The following PALD1 variants were observed in gnomAD, a reference collection of about 807,000 sequenced individuals.
PALD1 encodes paladin.
PALD1 carries 57 observed loss-of-function variants against 96.0 expected under a neutral mutation model. The ratio of observed to expected loss-of-function variants is 0.59; its 90% CI spans 0.48 to 0.74. PALD1 has a LOEUF of 0.74. Among genes scored for constraint, PALD1 ranks in the 30% least tolerant of loss-of-function variants. The pLI, the probability that PALD1 is intolerant of heterozygous loss-of-function variation, is 0.00. For synonymous variants in PALD1, 464 were observed against 473.6 expected (o/e 0.98, Z 0.26); for missense variants, 1,063 against 1,143.7 (o/e 0.93, Z 1.02).
intron 18 of PALD1, among the ~76,000 whole-genome samples, chr10:70,553,545 C>T (rs1365015660): frequency 6.6e-6 from 1 of 152,230 alleles, no homozygotes; most frequent in East Asian, 1.9e-4. Flanking sequence ...GAGAGGTGCC[C>T]ATGCTGGGCT....
chr10:70,527,222 A>G (rs1362934410), intron 2 of PALD1, among the ~76,000 whole-genome samples: 1 of 152,144 alleles, frequency 6.6e-6, no homozygotes, highest in Non-Finnish European at 1.5e-5. Flanking sequence ...CAGTTTCCTT[A>G]TCAACATAAG....
intron 1 of PALD1, among the ~76,000 whole-genome samples, chr10:70,514,116 C>G (rs556820893): frequency 6.6e-6 from 1 of 152,368 alleles, no homozygotes; most frequent in Middle Eastern, 3.4e-3. Flanking sequence ...GCCACAGTGC[C>G]TCTGCGGGCC....
At chr10:70,542,037 C>T (rs187009518) in intron 17 of PALD1, among the ~76,000 whole-genome samples, 45 of 152,316 alleles carry the variant, frequency 3.0e-4, no homozygotes, top group African/African-American at 1.1e-3. Context: ...TCCCGAGAGT[C>T]GTGGCAACGT....
At chr10:70,505,770 C>A (rs1846375181) in intron 1 of PALD1, among the ~76,000 whole-genome samples, 1 of 152,126 alleles carries the variant, frequency 6.6e-6, no homozygotes, top group South Asian at 2.1e-4. Flanking sequence ...TCTGTAGTCC[C>A]AGCATTTTGG....
intron 3 of PALD1, 118 bp from the exon 4 acceptor site, chr10:70,529,771 A>G (rs888368987): frequency 4.0e-5 from 31 of 784,572 alleles, no homozygotes; most frequent in Non-Finnish European, 5.5e-5. Context: ...GGGCAGGATC[A>G]TGTTCTTTTT....
At position 70,546,008 on chromosome 10, in the gene PALD1, G is replaced by A. The variant is rs564267017; in HGVS notation, c.2122-1298G>A. On this transcript the variant is annotated intron_variant, in intron 17 of 19. Transcript: ENST00000263563. ...TCCCAGCACTTTGGGAGACTTAGGC[G>A]GGTGGATCACCTGAGGCCAGGAGTT... is the stretch of plus-strand genomic sequence containing the variant. Among the ~76,000 whole-genome samples, 21 of 152,172 alleles carry A rather than the reference G, an allele frequency of 1.4e-4. No homozygotes were observed. The South Asian group carries it at 1.9e-3, about 14-fold the overall frequency.
At chr10:70,542,716 T>TG (rs1173071770) in intron 17 of PALD1, among the ~76,000 whole-genome samples, 1 of 152,234 alleles carries the variant, frequency 6.6e-6, no homozygotes, top group African/African-American at 2.4e-5. Context: ...TTGGCTGTCA[T>TG]GAGTAATGCT....
At chr10:70,558,856 CAG>C (rs1352688780) in intron 18 of PALD1, among the ~76,000 whole-genome samples, 1 of 152,092 alleles carries the variant, frequency 6.6e-6, no homozygotes, top group Admixed American at 6.6e-5. Flanking sequence ...TGCAAGGAGA[CAG>C]AGGCTGGCTG....
chr10:70,475,165 C>T (rs1045463495), upstream of PALD1, among the ~76,000 whole-genome samples: 7 of 152,188 alleles, frequency 4.6e-5, no homozygotes, highest in African/African-American at 7.2e-5. Flanking sequence ...TAACTTGTAG[C>T]ATAGGGGTCA....
At chr10:70,511,712 T>C (rs1213304218) in intron 1 of PALD1, among the ~76,000 whole-genome samples, 13 of 152,102 alleles carry the variant, frequency 8.5e-5, no homozygotes, top group Admixed American at 8.5e-4. Context: ...CAGATAAAAC[T>C]CACTCCCCAA....
chr10:70,467,542 CG>C, the PALD1 span, among the ~76,000 whole-genome samples: 7 of 152,216 alleles, frequency 4.6e-5, 1 homozygote, highest in South Asian at 1.5e-3. Flanking sequence ...CGCGGGGAAG[CG>C]GATGGCGTCT....
chr10:70,564,071 C>G (rs1047366462), intron 18 of PALD1, among the ~76,000 whole-genome samples: 1 of 152,154 alleles, frequency 6.6e-6, no homozygotes, highest in East Asian at 1.9e-4. Flanking sequence ...ACAATGAGCT[C>G]TCCTGCTGTC....
At chr10:70,516,752 C>T (rs1275732056) in intron 1 of PALD1, among the ~76,000 whole-genome samples, 2 of 151,638 alleles carry the variant, frequency 1.3e-5, no homozygotes, top group South Asian at 2.1e-4. Context: ...GCAGAGACAG[C>T]GTTTCTGTGT....
intron 17 of PALD1, among the ~76,000 whole-genome samples, chr10:70,543,535 C>T (rs987972472): frequency 6.6e-6 from 1 of 152,008 alleles, no homozygotes; most frequent in Non-Finnish European, 1.5e-5. Context: ...GTCTTTGATC[C>T]ATTTTGAGTT....
At chr10:70,563,069 AT>A in intron 18 of PALD1, among the ~76,000 whole-genome samples, 1 of 132,216 alleles carries the variant, frequency 7.6e-6, no homozygotes, top group Non-Finnish European at 1.7e-5. Flanking sequence ...GATTTTGACA[AT>A]CCCGATGCCC....
chr10:70,550,398 C>T (rs1420016097), intron 18 of PALD1, among the ~76,000 whole-genome samples: 1 of 152,172 alleles, frequency 6.6e-6, no homozygotes, highest in Non-Finnish European at 1.5e-5. Flanking sequence ...GCTTCTGATT[C>T]TGTAGGTCTG....
the PALD1 span, among the ~76,000 whole-genome samples, chr10:70,467,528 A>G: frequency 6.6e-6 from 1 of 152,166 alleles, no homozygotes; most frequent in African/African-American, 2.4e-5. Flanking sequence ...CACCCCGCAC[A>G]GTTCGCGGGG....
chr10:70,561,697 C>T (rs1288800979), intron 18 of PALD1, among the ~76,000 whole-genome samples: 1 of 152,146 alleles, frequency 6.6e-6, no homozygotes, highest in Non-Finnish European at 1.5e-5. Flanking sequence ...GGCCTCCATA[C>T]CCACTCCAGG....
At chr10:70,532,819 T>C in intron 6 of PALD1, 38 bp downstream of exon 6, 1 of 1,607,188 alleles carries the variant, frequency 6.2e-7, no homozygotes, top group Non-Finnish European at 8.5e-7. Flanking sequence ...CCATGGGTGC[T>C]CCAGGTCCTG....
Sources: gnomAD v4.1 joint callset for allele counts (sites outside exome capture counted in the v4.1 genomes callset) on GRCh38, gnomAD v4.1.1 for gene constraint, MANE v1.5 for transcripts, NCBI Gene and HGNC (gene_info 2026-07-23, HGNC 2026-07-21) for gene names.